PSMA1: variants seen among roughly 807,000 people sequenced by gnomAD.
The protein encoded by PSMA1 is proteasome 20S subunit alpha 1.
Under a neutral mutation model 38.4 loss-of-function variants are expected in PSMA1, and 3 were observed. The ratio of observed to expected loss-of-function variants is 0.08; its 90% CI spans 0.04 to 0.20. The LOEUF is 0.20. Among genes scored for constraint, PSMA1 ranks in the 10% least tolerant of loss-of-function variants. PSMA1 has a pLI of 1.00. For synonymous variants in PSMA1, 101 were observed against 107.1 expected, an observed-to-expected ratio of 0.94 and a Z score of 0.35; for missense variants, 227 against 325.3, an observed-to-expected ratio of 0.70 and a Z score of 2.32.
chr11:14,591,039 G>A (rs1040415284), intron 2 of PSMA1, among the ~76,000 whole-genome samples: 1 of 152,226 alleles, frequency 6.6e-6, no homozygotes, highest in African/African-American at 2.4e-5. Context: ...GGCCAGAGCC[G>A]GCTCCCTCAG....
At chr11:14,596,421 G>T (rs966837609) in intron 2 of PSMA1, among the ~76,000 whole-genome samples, 7 of 152,060 alleles carry the variant, frequency 4.6e-5, no homozygotes, top group African/African-American at 1.7e-4. Context: ...TTATTTCCTT[G>T]AGCAGTGGTT....
chr11:14,606,325 A>G (rs1852642953), intron 2 of PSMA1, among the ~76,000 whole-genome samples: 1 of 151,944 alleles, frequency 6.6e-6, no homozygotes, highest in Admixed American at 6.6e-5. Context: ...TCTTTTCAGG[A>G]TGATCACCTG....
chr11:14,520,459 C>A, upstream of PSMA1: 1 of 1,552,980 alleles, frequency 6.4e-7, no homozygotes, highest in South Asian at 1.2e-5. Flanking sequence ...AGGCTTGCAA[C>A]ACTTCCCCCT....
At chr11:14,635,846 G>A (rs1853107437) in intron 1 of PSMA1, among the ~76,000 whole-genome samples, 1 of 152,134 alleles carries the variant, frequency 6.6e-6, no homozygotes, top group Admixed American at 6.5e-5. Context: ...GTATTATATA[G>A]AATCTGTAGC....
At chr11:14,530,577 G>A (rs1271621997) in intron 2 of PSMA1, among the ~76,000 whole-genome samples, 1 of 152,122 alleles carries the variant, frequency 6.6e-6, no homozygotes, top group African/African-American at 2.4e-5. Context: ...TGTTTAATGT[G>A]TCACACTGAC....
rs1455398542 is a variant in PSMA1 at position 14,593,655 on chromosome 11, AGAGAGAGC to A, written c.21+17303_21+17310del. On this transcript the variant is annotated intron_variant, in intron 2 of 10. Coordinates refer to the PSMA1 transcript ENST00000418988. ...GAGAGAGAGAGAGAGAGAGAGAGAG[AGAGAGAGC>A]GCCAGCCCTAATGTGTGGTCCTAAT... Among the ~76,000 whole-genome samples the A allele has an allele frequency of 9.2e-4, 118 of 128,834 alleles. 1 individual carries two copies. The highest frequency in any genetic ancestry group is 3.2e-3 in the African/African-American group (109 of 33,596). The allele number at this position is 128,834 out of a possible 152,430, so 84.5% of individuals were successfully genotyped here.
chr11:14,544,894 C>T (rs1396386490), intron 2 of PSMA1, among the ~76,000 whole-genome samples: 1 of 152,170 alleles, frequency 6.6e-6, no homozygotes, highest in Non-Finnish European at 1.5e-5. Flanking sequence ...TTCATAGCAG[C>T]ATTATTCATA....
intron 1 of PSMA1, among the ~76,000 whole-genome samples, chr11:14,615,610 C>T (rs982761417): frequency 6.6e-6 from 1 of 152,200 alleles, no homozygotes. Flanking sequence ...GAGCAATTTT[C>T]ACTGTTGATG....
intron 2 of PSMA1, among the ~76,000 whole-genome samples, chr11:14,554,102 C>T (rs1442120967): frequency 6.6e-6 from 1 of 152,062 alleles, no homozygotes. Flanking sequence ...ATTTGTATAT[C>T]CTCTTTGCAG....
chr11:14,567,227 C>T (rs1027492169), intron 2 of PSMA1, among the ~76,000 whole-genome samples: 1 of 152,196 alleles, frequency 6.6e-6, no homozygotes, highest in African/African-American at 2.4e-5. Flanking sequence ...CTGAACCCTG[C>T]ACTTTGGTGC....
intron 2 of PSMA1, among the ~76,000 whole-genome samples, chr11:14,541,533 C>T (rs1460251187): frequency 6.6e-6 from 1 of 152,244 alleles, no homozygotes; most frequent in East Asian, 1.9e-4. Context: ...CTCTCACAGA[C>T]AGTCCCTTCC....
chr11:14,537,712 T>C (rs1052847965), intron 2 of PSMA1, among the ~76,000 whole-genome samples: 28 of 60,992 alleles, frequency 4.6e-4, no homozygotes, highest in Non-Finnish European at 8.4e-4. Context: ...AAAATTACCC[T>C]TTTTTTTTTT....
At chr11:14,560,990 C>T (rs1008746066) in intron 2 of PSMA1, among the ~76,000 whole-genome samples, 1 of 152,090 alleles carries the variant, frequency 6.6e-6, no homozygotes, top group Non-Finnish European at 1.5e-5. Flanking sequence ...CAGCAGTTAA[C>T]CTTGGATGAT....
intron 2 of PSMA1, among the ~76,000 whole-genome samples, chr11:14,562,681 G>T (rs1166611582): frequency 6.6e-6 from 1 of 151,104 alleles, no homozygotes; most frequent in Non-Finnish European, 1.5e-5. Context: ...CTGGAGTGCA[G>T]GGGCATGATC....
intron 2 of PSMA1, among the ~76,000 whole-genome samples, chr11:14,600,684 C>A (rs1277636978): frequency 6.6e-6 from 1 of 152,212 alleles, no homozygotes; most frequent in Non-Finnish European, 1.5e-5. Context: ...AATCCCCTGA[C>A]CCCTTGTGCT....
chr11:14,589,649 C>G (rs1243845605), intron 2 of PSMA1, among the ~76,000 whole-genome samples: 1 of 152,040 alleles, frequency 6.6e-6, no homozygotes, highest in Non-Finnish European at 1.5e-5. Context: ...GGTAAGAATG[C>G]TGTGTCTCAT....
In PSMA1 at chr11:14,520,364, G is replaced by A. The variant is rs1851508832; in HGVS notation, c.-65C>T. The A allele has an allele frequency of 9.3e-6, 15 of 1,614,186 alleles. No homozygotes were observed. The highest frequency in any genetic ancestry group is 1.3e-5 in the Non-Finnish European group (15 of 1,180,008). On this transcript the variant is annotated 5_prime_UTR_variant, in exon 1 of 10. Coordinates refer to ENST00000396394, the MANE Select transcript of PSMA1 (RefSeq NM_002786.4). ...GAGAATCAAGGAGGTGCTGCCGAAA[G>A]TATCGCTCAGCGATCTACAGAGAAG... is the stretch of plus-strand genomic sequence containing the variant.
chr11:14,564,722 C>T (rs2575848), intron 2 of PSMA1, among the ~76,000 whole-genome samples: 20,346 of 151,794 alleles, frequency 0.13, 1,877 homozygotes, highest in African/African-American at 0.27. Context: ...TTATTTCAGC[C>T]GTTCTTACAA....
At chr11:14,511,497 AGTTT>A (rs1181547672) in intron 7 of PSMA1, among the ~76,000 whole-genome samples, 1 of 142,174 alleles carries the variant, frequency 7.0e-6, no homozygotes, top group South Asian at 2.5e-4. Context: ...AGAATAAGTT[AGTTT>A]AACAACTGAA....
Sources: gnomAD v4.1 joint callset for allele counts (sites outside exome capture counted in the v4.1 genomes callset) on GRCh38, gnomAD v4.1.1 for gene constraint, MANE v1.5 for transcripts, NCBI Gene and HGNC (gene_info 2026-07-23, HGNC 2026-07-21) for gene names.